RIMS1: variants seen among roughly 807,000 people sequenced by gnomAD.
RIMS1 encodes regulating synaptic membrane exocytosis protein 1.
In RIMS1, 83 loss-of-function variants were observed where a neutral mutation model predicts 214.1. The ratio of observed to expected loss-of-function variants is 0.39; its 90% CI spans 0.32 to 0.47. The LOEUF is 0.47. RIMS1 is among the 20% of genes least tolerant of loss of function. The pLI is 0.99. For synonymous variants in RIMS1, 793 were observed against 786.8 expected, an observed-to-expected ratio of 1.01 and a Z score of -0.13; for missense variants, 2,050 against 2,161.8, an observed-to-expected ratio of 0.95 and a Z score of 1.03.
rs746442447 is a variant in RIMS1, at chr6:72,333,775, G to A, written c.4306G>A (p.Ala1436Thr). Residue 1436 changes from alanine (A) to threonine (T), a missense_variant, in exon 29 of 34, where the codon GCC (alanine) becomes ACC (threonine). Physicochemically the swap from Ala to Thr is moderately conservative, Grantham distance 58. Around this residue, in one of 6 missense-constraint regions of RIMS1, gnomAD observed 889 missense variants for 885.5 expected, o/e 1.00. Coordinates refer to ENST00000521978, the MANE Select transcript of RIMS1 (RefSeq NM_014989.7). ...GGKKRRSSLS[A>T]KVVAIVSRRS... ...AAAGAAACGGAGATCCAGCCTTAGT[G>A]CCAAAGTGGTTGCCATAGTGTCTCG... 3.4e-5 allele frequency: 55 copies of A among 1,598,204 alleles called. No individual in the cohort carries two copies. The highest frequency in any genetic ancestry group is 4.5e-5 in the Non-Finnish European group (53 of 1,172,284).
chr6:72,088,440 G>A (rs1366073964), intron 2 of RIMS1, among the ~76,000 whole-genome samples: 1 of 151,702 alleles, frequency 6.6e-6, no homozygotes, highest in Non-Finnish European at 1.5e-5. Context: ...TAGTAGAGAT[G>A]GGGTTTCACC....
chr6:72,278,485 C>T (rs77857371), intron 23 of RIMS1, among the ~76,000 whole-genome samples: 1,699 of 152,132 alleles, frequency 0.011, 10 homozygotes, highest in Non-Finnish European at 0.017. Context: ...TCTTATTTCT[C>T]CTTTGAAAAT....
intron 2 of RIMS1, among the ~76,000 whole-genome samples, chr6:72,033,897 T>C (rs1818867840): frequency 6.6e-6 from 1 of 152,144 alleles, no homozygotes; most frequent in African/African-American, 2.4e-5. Context: ...TTATAGAAAT[T>C]TTTTTAAAAA....
intron 2 of RIMS1, among the ~76,000 whole-genome samples, chr6:72,029,320 A>G (rs1817421983): frequency 6.6e-6 from 1 of 152,200 alleles, no homozygotes; most frequent in Non-Finnish European, 1.5e-5. Context: ...GTTATAAATA[A>G]TAGTTTCTAC....
chr6:72,354,765 G>A (rs1029692646), intron 29 of RIMS1, among the ~76,000 whole-genome samples: 5 of 152,174 alleles, frequency 3.3e-5, no homozygotes, highest in Non-Finnish European at 7.3e-5. Flanking sequence ...ACATCTAAGT[G>A]TAGTTGGCAA....
chr6:72,212,901 C>T, intron 6 of RIMS1: 1 of 1,317,756 alleles, frequency 7.6e-7, no homozygotes, highest in Non-Finnish European at 9.7e-7. Context: ...CTGCACAGTG[C>T]CTGCAGTGAC....
At chr6:72,216,788 ATC>A (rs1332318403) in intron 6 of RIMS1, 3 of 989,726 alleles carry the variant, frequency 3.0e-6, no homozygotes, top group Non-Finnish European at 3.6e-6. Context: ...ACAACGTTTC[ATC>A]TCTCTGGCTT....
chr6:72,264,852 G>GA (rs1229031607), intron 19 of RIMS1, 123 bp from the exon 20 acceptor site: 13 of 580,314 alleles, frequency 2.2e-5, no homozygotes, highest in African/African-American at 6.0e-5. Context: ...GTTCTTTTGA[G>GA]AAAAAAATGA....
intron 1 of RIMS1, among the ~76,000 whole-genome samples, chr6:71,910,436 G>A (rs1776541974): frequency 6.6e-6 from 1 of 152,086 alleles, no homozygotes; most frequent in Non-Finnish European, 1.5e-5. Context: ...ATCTGGCCCA[G>A]GCAGTGGTAG....
At chr6:72,117,182 T>G (rs1173681264) in intron 4 of RIMS1, among the ~76,000 whole-genome samples, 4 of 151,940 alleles carry the variant, frequency 2.6e-5, no homozygotes, top group Non-Finnish European at 5.9e-5. Flanking sequence ...TCAGTAGGTT[T>G]GGAATGGGGC....
chr6:72,087,993 A>G (rs965613387), intron 2 of RIMS1, among the ~76,000 whole-genome samples: 1 of 152,132 alleles, frequency 6.6e-6, no homozygotes, highest in Non-Finnish European at 1.5e-5. Context: ...CCCTTCAATT[A>G]GGATATGAAC....
At chr6:72,073,037 A>G (rs1187004990) in intron 2 of RIMS1, among the ~76,000 whole-genome samples, 1 of 152,206 alleles carries the variant, frequency 6.6e-6, no homozygotes, top group Non-Finnish European at 1.5e-5. Context: ...CAAAATCCAT[A>G]GAGAAATACC....
At chr6:72,331,391 G>A (rs76081656) in intron 28 of RIMS1, among the ~76,000 whole-genome samples, 3,017 of 151,860 alleles carry the variant, frequency 0.02, 83 homozygotes, top group African/African-American at 0.069. Context: ...AACCATTGTG[G>A]AGAGTGGGCT....
chr6:71,953,277 C>A (rs181092736), intron 1 of RIMS1, among the ~76,000 whole-genome samples: 2 of 152,266 alleles, frequency 1.3e-5, no homozygotes, highest in East Asian at 3.9e-4. Context: ...GTGTGAGCCA[C>A]CTCGCCCGGT....
At chr6:72,293,236 G>T (rs1410569440) in intron 26 of RIMS1, among the ~76,000 whole-genome samples, 2 of 151,822 alleles carry the variant, frequency 1.3e-5, no homozygotes, top group Non-Finnish European at 2.9e-5. Flanking sequence ...TTAGTTTTCA[G>T]GGTTGCTAAA....
intron 31 of RIMS1, among the ~76,000 whole-genome samples, chr6:72,395,490 AAACTT>A (rs1383982349): frequency 6.6e-6 from 1 of 152,106 alleles, no homozygotes; most frequent in Non-Finnish European, 1.5e-5. Context: ...AAAATAAACT[AAACTT>A]AAGAATTCAA....
intron 2 of RIMS1, among the ~76,000 whole-genome samples, chr6:72,051,483 G>A (rs1824647414): frequency 6.6e-6 from 1 of 152,146 alleles, no homozygotes; most frequent in Non-Finnish European, 1.5e-5. Flanking sequence ...TTAAATCTGG[G>A]TAATCTAGCG....
At chr6:72,062,369 C>T (rs1828086858) in intron 2 of RIMS1, among the ~76,000 whole-genome samples, 1 of 151,920 alleles carries the variant, frequency 6.6e-6, no homozygotes, top group Admixed American at 6.5e-5. Flanking sequence ...CCCTTCTTGC[C>T]TCCTTCTTTC....
rs764961110 is a variant in RIMS1 at position 72,163,477 on chromosome 6, A to G, written c.472-16098A>G. ...AGAGGCACTCTGATTTTTAATTTCC[A>G]GTTTTTCTGCTCTGGTTTTTCCCCA... On this transcript the variant is annotated intron_variant, in intron 4 of 33. Coordinates refer to ENST00000521978, the MANE Select transcript of RIMS1 (RefSeq NM_014989.7). Among the ~76,000 whole-genome samples the G allele has an allele frequency of 3.6e-5, 5 of 140,078 alleles. 1 individual carries two copies. The highest frequency in any genetic ancestry group is 1.5e-4 in the Admixed American group (2 of 13,746). The allele number at this position is 140,078 out of a possible 152,430, so 91.9% of individuals were successfully genotyped here.
Sources: gnomAD v4.1 joint callset for allele counts (sites outside exome capture counted in the v4.1 genomes callset) on GRCh38, gnomAD v4.1.1 for gene constraint, gnomAD v4.1.1 regional missense constraint, MANE v1.5 for transcripts, NCBI Gene and HGNC (gene_info 2026-07-23, HGNC 2026-07-21) for gene names.